The following CNBD1 variants were observed in gnomAD, a reference collection of about 807,000 sequenced individuals.
CNBD1 encodes cyclic nucleotide binding domain containing 1.
Under a neutral mutation model 54.4 loss-of-function variants are expected in CNBD1, and 71 were observed. The observed-to-expected ratio is 1.30, with a 90% CI of 1.08 to 1.59. The LOEUF (loss-of-function observed/expected upper bound fraction) is 1.59. Ranked by LOEUF, CNBD1 falls within the 40% of genes most tolerant of loss-of-function variation. The pLI, the probability that CNBD1 is intolerant of heterozygous loss-of-function variation, is 0.00. For synonymous variants in CNBD1, 182 were observed against 170.7 expected, an observed-to-expected ratio of 1.07 and a Z score of -0.51; for missense variants, 659 against 518.0, an observed-to-expected ratio of 1.27 and a Z score of -2.64.
chr8:87,242,029 G>A (rs1420000302), intron 6 of CNBD1, among the ~76,000 whole-genome samples: 1 of 152,098 alleles, frequency 6.6e-6, no homozygotes, highest in African/African-American at 2.4e-5. Context: ...ATTGCCAGGG[G>A]GGTCAGACAT....
chr8:87,201,999 T>G (rs919015591), intron 4 of CNBD1, among the ~76,000 whole-genome samples: 5 of 152,150 alleles, frequency 3.3e-5, no homozygotes, highest in Non-Finnish European at 5.9e-5. Context: ...TGATAGAAGT[T>G]CAGCATTTAA....
At chr8:86,910,479 A>C (rs753704764) in intron 3 of CNBD1, among the ~76,000 whole-genome samples, 2 of 152,194 alleles carry the variant, frequency 1.3e-5, no homozygotes, top group African/African-American at 2.4e-5. Flanking sequence ...ACCTGTTAGC[A>C]AAAGAAATGG....
At chr8:87,035,510 G>A (rs1217149988) in intron 4 of CNBD1, among the ~76,000 whole-genome samples, 2 of 152,136 alleles carry the variant, frequency 1.3e-5, no homozygotes, top group African/African-American at 4.8e-5. Flanking sequence ...CATGTGCATA[G>A]CTTAAAATGT....
intron 4 of CNBD1, among the ~76,000 whole-genome samples, chr8:87,069,373 G>T (rs894780984): frequency 6.6e-6 from 1 of 151,980 alleles, no homozygotes; most frequent in South Asian, 2.1e-4. Context: ...GTCCCATAAG[G>T]TTTTAACACT....
intron 4 of CNBD1, among the ~76,000 whole-genome samples, chr8:87,063,241 G>T (rs1445229472): frequency 6.6e-6 from 1 of 152,164 alleles, no homozygotes; most frequent in Non-Finnish European, 1.5e-5. Flanking sequence ...GTATCTTCAA[G>T]CACATTTACA....
Position 87,081,489 on chromosome 8 carries a change from A to ATTTTTTGTT in CNBD1, c.432-124491_432-124483dup, listed in dbSNP as rs887841819. ...GCATTCTGCTGTTATTGGGTGGACTATTTTTTGTTTTTTTTGTTTTTGTTT... is the reference window on the plus strand; with the variant it reads ...GCATTCTGCTGTTATTGGGTGGACTATTTTTTGTTTTTTTTGTTTTTTTTGTTTTTGTTT... On this transcript the variant is annotated intron_variant, in intron 4 of 10. Coordinates refer to ENST00000518476, the MANE Select transcript of CNBD1 (RefSeq NM_173538.3). 2.2e-3 allele frequency among the ~76,000 whole-genome samples: 331 copies of ATTTTTTGTT among 147,340 alleles called. 3 individuals are homozygous for ATTTTTTGTT. Among genetic ancestry groups the ATTTTTTGTT allele is most frequent in the African/African-American group, 7.8e-3 (313 of 40,254 alleles).
At chr8:87,126,312 T>G (rs938214321) in intron 4 of CNBD1, among the ~76,000 whole-genome samples, 1 of 151,988 alleles carries the variant, frequency 6.6e-6, no homozygotes. Context: ...AAAACTCTGG[T>G]CTCTCCACAT....
At chr8:86,997,673 A>G (rs148845855) in intron 4 of CNBD1, among the ~76,000 whole-genome samples, 1 of 152,174 alleles carries the variant, frequency 6.6e-6, no homozygotes, top group African/African-American at 2.4e-5. Context: ...CACAGGAGAC[A>G]GCAGATGTCT....
At chr8:86,903,357 C>G (rs1191804662) in intron 2 of CNBD1, among the ~76,000 whole-genome samples, 1 of 152,126 alleles carries the variant, frequency 6.6e-6, no homozygotes, top group Non-Finnish European at 1.5e-5. Context: ...CAAAGATGAT[C>G]TATCCAGAGC....
chr8:87,306,773 G>T (rs978181570), intron 8 of CNBD1, among the ~76,000 whole-genome samples: 2 of 151,960 alleles, frequency 1.3e-5, no homozygotes, highest in Non-Finnish European at 2.9e-5. Flanking sequence ...AGAGTGGGAG[G>T]GGGGTGAGGG....
At chr8:86,954,194 GA>G (rs1807699966) in intron 4 of CNBD1, among the ~76,000 whole-genome samples, 3 of 152,134 alleles carry the variant, frequency 2.0e-5, no homozygotes, top group African/African-American at 4.8e-5. Flanking sequence ...TTGACAAAGA[GA>G]AAGCAACATT....
At chr8:86,904,651 CT>C (rs2131807945) in intron 2 of CNBD1, among the ~76,000 whole-genome samples, 1 of 152,134 alleles carries the variant, frequency 6.6e-6, no homozygotes, top group Admixed American at 6.5e-5. Flanking sequence ...TGTAACATAT[CT>C]TTATTCTAGA....
intron 4 of CNBD1, among the ~76,000 whole-genome samples, chr8:87,178,668 A>T (rs1563497191): frequency 6.6e-6 from 1 of 152,210 alleles, no homozygotes; most frequent in East Asian, 1.9e-4. Flanking sequence ...GGGAATATTT[A>T]AGAGAGTACT....
rs1375231992 is a variant in CNBD1 at position 87,060,392 on chromosome 8, G to C, written c.431+120638G>C. Among the ~76,000 whole-genome samples the C allele has an allele frequency of 2.0e-5, 3 of 152,124 alleles. No individual in the cohort carries two copies. In the East Asian group the frequency reaches 5.8e-4, roughly 29 times the overall value. On this transcript the variant is annotated intron_variant, in intron 4 of 10. Transcript: ENST00000518476. ...AACTCTTACTGAAAATACAAGTATT[G>C]GTGCATGGACAGGTAGATCAATGGA...
At chr8:87,258,710 TCTATC>T (rs1302648227) in intron 6 of CNBD1, among the ~76,000 whole-genome samples, 1 of 152,178 alleles carries the variant, frequency 6.6e-6, no homozygotes, top group Non-Finnish European at 1.5e-5. Flanking sequence ...TGTATACAAA[TCTATC>T]CAATCCTAAT....
chr8:87,407,251 A>G (rs1488895590), intron 2 of CNBD1, among the ~76,000 whole-genome samples: 4 of 152,144 alleles, frequency 2.6e-5, no homozygotes, highest in Non-Finnish European at 5.9e-5. Context: ...TAAAATTAAT[A>G]TAAGAAACAC....
chr8:87,379,255 G>A (rs1811022281), intron 10 of CNBD1, among the ~76,000 whole-genome samples: 1 of 152,024 alleles, frequency 6.6e-6, no homozygotes, highest in East Asian at 1.9e-4. Context: ...CCTACAAAGA[G>A]ACTTAGACTC....
chr8:87,270,129 T>C (rs532832783), intron 6 of CNBD1, among the ~76,000 whole-genome samples: 3 of 152,054 alleles, frequency 2.0e-5, no homozygotes, highest in African/African-American at 7.2e-5. Context: ...AAATGTGATT[T>C]GCCACATAAA....
At chr8:87,139,679 T>C (rs1586284228) in intron 4 of CNBD1, among the ~76,000 whole-genome samples, 1 of 152,060 alleles carries the variant, frequency 6.6e-6, no homozygotes, top group African/African-American at 2.4e-5. Context: ...GAGGCAGCCA[T>C]AAATGATAGC....
Sources: gnomAD v4.1 joint callset for allele counts (sites outside exome capture counted in the v4.1 genomes callset) on GRCh38, gnomAD v4.1.1 for gene constraint, MANE v1.5 for transcripts, NCBI Gene and HGNC (gene_info 2026-07-23, HGNC 2026-07-21) for gene names.